Variants in GRIN2B observed in about 807,000 individuals in gnomAD.
GRIN2B encodes the protein glutamate receptor ionotropic, NMDA 2B.
A neutral mutation model predicts 114.5 loss-of-function variants in GRIN2B; 5 were observed. That is an observed-to-expected ratio of 0.04 (90% confidence interval 0.02 to 0.09). The LOEUF is 0.09. Ranked by LOEUF, GRIN2B falls within the 10% of genes least tolerant of loss-of-function variation. GRIN2B has a pLI of 1.00. For synonymous variants in GRIN2B, 787 were observed against 745.1 expected, an observed-to-expected ratio of 1.06 and a Z score of -0.92; for missense variants, 1,108 against 1,943.5, an observed-to-expected ratio of 0.57 and a Z score of 8.08.
At chr12:13,902,993 C>T (rs189155701) in intron 2 of GRIN2B, among the ~76,000 whole-genome samples, 12 of 151,780 alleles carry the variant, frequency 7.9e-5, no homozygotes, top group Admixed American at 7.9e-4. Flanking sequence ...TTATATTCTC[C>T]AATAATTTTT....
At chr12:13,575,967 A>T (rs1291708791) in intron 10 of GRIN2B, among the ~76,000 whole-genome samples, 2 of 152,238 alleles carry the variant, frequency 1.3e-5, no homozygotes, top group African/African-American at 2.4e-5. Flanking sequence ...AACATTTAAA[A>T]TTGTCCTATG....
At chr12:13,626,987 T>C (rs1949575319) in intron 5 of GRIN2B, among the ~76,000 whole-genome samples, 1 of 151,852 alleles carries the variant, frequency 6.6e-6, no homozygotes, top group Admixed American at 6.6e-5. Context: ...GGCACCTGAC[T>C]GGCTGGGTCG....
rs915922554 is a variant in GRIN2B at position 13,558,962 on chromosome 12, A to G, written c.*3821T>C. ...ACCAACCACTTCTGCAATGGAAGGG[A>G]ATGATAGAGGGTACAAAGCGAGAAA... is the stretch of plus-strand genomic sequence containing the variant. On this transcript the variant is annotated 3_prime_UTR_variant, in exon 14 of 14. Transcript: ENST00000609686. 2 of 152,224 alleles carry G rather than the reference A, an allele frequency of 1.3e-5. No homozygotes were observed. The highest frequency in any genetic ancestry group is 6.5e-5 in the Admixed American group (1 of 15,276). The allele number at this position is 152,224 out of a possible 1,614,324, so 9.4% of individuals were successfully genotyped here.
intron 2 of GRIN2B, among the ~76,000 whole-genome samples, chr12:13,939,084 C>T (rs191219199): frequency 8.0e-4 from 122 of 152,284 alleles, no homozygotes; most frequent in Non-Finnish European, 1.5e-3. Context: ...TGAATGTAGT[C>T]TTTGAATTAC....
chr12:13,920,096 T>C (rs1460990905), intron 2 of GRIN2B, among the ~76,000 whole-genome samples: 1 of 151,818 alleles, frequency 6.6e-6, no homozygotes, highest in Admixed American at 6.6e-5. Context: ...GCCCGCCTCC[T>C]CACTGAAAAA....
At chr12:13,614,286 C>G (rs1235522186) in intron 8 of GRIN2B, among the ~76,000 whole-genome samples, 1 of 152,088 alleles carries the variant, frequency 6.6e-6, no homozygotes, top group East Asian at 1.9e-4. Context: ...TGTAATAGCC[C>G]CATTTAAAAA....
chr12:13,967,985 AAC>A (rs1403822897), intron 2 of GRIN2B, among the ~76,000 whole-genome samples: 2 of 152,210 alleles, frequency 1.3e-5, no homozygotes, highest in Non-Finnish European at 2.9e-5. Flanking sequence ...GCCTGGAAAA[AAC>A]AGTTTCACAC....
intron 2 of GRIN2B, among the ~76,000 whole-genome samples, chr12:13,961,590 A>C (rs1327762191): frequency 6.6e-6 from 1 of 152,238 alleles, no homozygotes; most frequent in Non-Finnish European, 1.5e-5. Context: ...GAATAACTAA[A>C]TAAACACTTG....
chr12:13,977,740 T>C (rs1863051780), intron 2 of GRIN2B, among the ~76,000 whole-genome samples: 1 of 152,164 alleles, frequency 6.6e-6, no homozygotes, highest in Non-Finnish European at 1.5e-5. Flanking sequence ...TCACAGAGAC[T>C]GCCTGCGAGG....
intron 4 of GRIN2B, among the ~76,000 whole-genome samples, chr12:13,714,710 A>G (rs1950440760): frequency 6.6e-6 from 1 of 151,944 alleles, no homozygotes; most frequent in Non-Finnish European, 1.5e-5. Context: ...TTCTGAGAAT[A>G]TATTTTATAA....
At chr12:13,764,543 T>G (rs1481901580) in intron 3 of GRIN2B, among the ~76,000 whole-genome samples, 1 of 152,194 alleles carries the variant, frequency 6.6e-6, no homozygotes, top group Non-Finnish European at 1.5e-5. Context: ...CTCTGGGAGA[T>G]GGACCAAGCC....
Position 13,971,128 on chromosome 12 carries a change from A to T in GRIN2B, c.-19+8800T>A, listed in dbSNP as rs190391703. Among the ~76,000 whole-genome samples, 52 of 152,266 alleles carry T rather than the reference A, an allele frequency of 3.4e-4. 1 individual carries two copies. In the East Asian group the frequency reaches 9.5e-3, roughly 28 times the overall value. On this transcript the variant is annotated intron_variant, in intron 2 of 13. Coordinates refer to ENST00000609686, the MANE Select transcript of GRIN2B (RefSeq NM_000834.5). The stretch of plus-strand genomic sequence containing the variant: ...GCCAGTAGATATTTGAAAAATTCAA[A>T]TCGAGGAGTATGCGTCTTAGTTTTC...
chr12:13,785,106 A>C (rs1045404789), intron 3 of GRIN2B, among the ~76,000 whole-genome samples: 1 of 152,256 alleles, frequency 6.6e-6, no homozygotes, highest in Non-Finnish European at 1.5e-5. Flanking sequence ...ATTCAAAAGA[A>C]AAAGCCAAAG....
At chr12:13,782,297 A>T (rs866830731) in intron 3 of GRIN2B, among the ~76,000 whole-genome samples, 19 of 149,328 alleles carry the variant, frequency 1.3e-4, no homozygotes, top group East Asian at 7.9e-4. Context: ...ACACACACAC[A>T]CTCTCTCTCT....
At chr12:13,607,729 G>C (rs1949302656) in intron 10 of GRIN2B, among the ~76,000 whole-genome samples, 1 of 149,672 alleles carries the variant, frequency 6.7e-6, no homozygotes, top group Non-Finnish European at 1.5e-5. Context: ...TGGGGGGGTG[G>C]GGGTGGGAGT....
intron 4 of GRIN2B, among the ~76,000 whole-genome samples, chr12:13,704,031 A>G (rs1319108189): frequency 6.6e-6 from 1 of 152,228 alleles, no homozygotes; most frequent in Non-Finnish European, 1.5e-5. Flanking sequence ...ACAGGATAGC[A>G]GAGGAGTTCT....
rs1236542815 is a variant in GRIN2B, at chr12:13,571,986, G to C, written c.2011-22C>G. 4 of 1,593,474 alleles carry C rather than the reference G, an allele frequency of 2.5e-6. No individual in the cohort carries two copies. The African/African-American group carries it at 5.4e-5, about 21-fold the overall frequency. On this transcript the variant is annotated intron_variant, in intron 10 of 13. Transcript: ENST00000609686. ...GGAACTGGAGAGAGAAAGACAGATA[G>C]AGACAGAGCGGGAGATGGAGGGAGA...
rs1463652552 is a variant in GRIN2B, at chr12:13,567,056, C to T, written c.2567G>A (p.Gly856Asp). 1 of 1,613,786 alleles carries T rather than the reference C, an allele frequency of 6.2e-7. No homozygotes were observed. The highest frequency in any genetic ancestry group is 8.5e-7 in the Non-Finnish European group (1 of 1,179,674). ...FRHCFMGVCS[G>D]KPGMVFSISR... ...GATGGAGAAGACCATGCCAGGCTTG[C>T]CAGAACAGACACCCATAAAGCAATG... is the stretch of plus-strand genomic sequence containing the variant. Residue 856 changes from glycine (G) to aspartate (D), a missense_variant, in exon 13 of 14, where the codon GGC (glycine) becomes GAC (aspartate). Physicochemically the swap from Gly to Asp is moderately conservative, Grantham distance 94 (BLOSUM62 -1). Transcript: ENST00000609686.
At chr12:13,794,349 A>G (rs1472205835) in intron 3 of GRIN2B, among the ~76,000 whole-genome samples, 1 of 152,230 alleles carries the variant, frequency 6.6e-6, no homozygotes, top group Admixed American at 6.5e-5. Flanking sequence ...CTCCATTCCT[A>G]TGGCAAGATG....
Sources: allele counts gnomAD v4.1 joint callset (sites outside exome capture counted in the v4.1 genomes callset), GRCh38; gene constraint gnomAD v4.1.1; transcripts MANE v1.5; gene names NCBI Gene and HGNC (gene_info 2026-07-23, HGNC 2026-07-21).